RPA2: variants seen among roughly 807,000 people sequenced by gnomAD.
RPA2 encodes the protein replication protein A 32 kDa subunit.
In RPA2, 22 loss-of-function variants were observed where a neutral mutation model predicts 33.4. The ratio of observed to expected loss-of-function variants is 0.66; its 90% CI spans 0.47 to 0.94. The LOEUF is 0.94. Ranked by LOEUF, RPA2 falls within the 40% of genes least tolerant of loss-of-function variation. The probability of loss-of-function intolerance (pLI) is 0.00; values close to 1 mark genes in which losing one functional copy is unlikely to be tolerated. For missense variants in RPA2, 279 were observed against 329.9 expected (o/e 0.85, Z 1.19); for synonymous variants, 109 against 114.9 (o/e 0.95, Z 0.33).
chr1:27,898,852 C>T (rs750049016), intron 4 of RPA2, among the ~76,000 whole-genome samples: 4 of 151,904 alleles, frequency 2.6e-5, no homozygotes, highest in African/African-American at 7.3e-5. Context: ...CCATCGTGTC[C>T]GGCCCATTAG....
At chr1:27,899,999 G>C (rs2089947537) in intron 4 of RPA2, among the ~76,000 whole-genome samples, 1 of 151,746 alleles carries the variant, frequency 6.6e-6, no homozygotes, top group South Asian at 2.1e-4. Flanking sequence ...TTAATAGACA[G>C]GGTTTTGCCA....
At chr1:27,902,855 G>A (rs1316411627) in intron 4 of RPA2, among the ~76,000 whole-genome samples, 1 of 152,124 alleles carries the variant, frequency 6.6e-6, no homozygotes, top group African/African-American at 2.4e-5. Context: ...GTACAAAAAT[G>A]CAAAAACTAA....
chr1:27,907,347 C>A, intron 2 of RPA2, 65 bp from the exon 3 acceptor site: 1 of 1,215,816 alleles, frequency 8.2e-7, no homozygotes. Context: ...TCAACACCTG[C>A]CATGTGCCAA....
chr1:27,897,259 C>T (rs1217020328), intron 5 of RPA2, 138 bp from the exon 6 acceptor site: 1 of 601,192 alleles, frequency 1.7e-6, no homozygotes, highest in East Asian at 2.9e-5. Context: ...CAGAGGTATT[C>T]CAAATATGGT....
chr1:27,906,909 T>C lies in RPA2; in HGVS notation c.333+19A>G, dbSNP rs2090035678. ...CAGTTCCAAAGTAACCCCATCATGA[T>C]TCAAAAACAGCCACTTACATCTGTG... On this transcript the variant is annotated intron_variant, in intron 4 of 8. Transcript: ENST00000373912. The C allele has an allele frequency of 1.3e-6, 2 of 1,564,470 alleles. No homozygotes were observed. The highest frequency in any genetic ancestry group is 3.5e-5 in the Admixed American group (2 of 56,986).
chr1:27,892,363 T>TAAGA, intron 8 of RPA2, 116 bp from the exon 9 acceptor site: 1 of 755,290 alleles, frequency 1.3e-6, no homozygotes. Flanking sequence ...CTACCTTAGC[T>TAAGA]AAGAATTCAC....
chr1:27,896,135 C>T (rs568817281), intron 6 of RPA2, among the ~76,000 whole-genome samples: 1 of 152,256 alleles, frequency 6.6e-6, no homozygotes, highest in African/African-American at 2.4e-5. Context: ...CTGCTATACT[C>T]GAATGCCGAC....
At chr1:27,895,176 C>A (rs1368645418) in intron 6 of RPA2, among the ~76,000 whole-genome samples, 1 of 152,166 alleles carries the variant, frequency 6.6e-6, no homozygotes, top group Non-Finnish European at 1.5e-5. Flanking sequence ...AGGATCTCAT[C>A]CCAGACCGCC....
At chr1:27,894,522 CTG>C in intron 6 of RPA2, 125 bp from the exon 7 acceptor site, 5 of 686,682 alleles carry the variant, frequency 7.3e-6, no homozygotes, top group Non-Finnish European at 1.2e-5. Flanking sequence ...GTTTATAACA[CTG>C]CTTACATTGG....
chr1:27,896,087 T>C (rs1286873897), intron 6 of RPA2, among the ~76,000 whole-genome samples: 1 of 152,250 alleles, frequency 6.6e-6, no homozygotes, highest in Non-Finnish European at 1.5e-5. Context: ...TTTTGTTTAT[T>C]ACTTGTTTCT....
intron 4 of RPA2, among the ~76,000 whole-genome samples, chr1:27,899,513 GAAA>G (rs67126026): frequency 3.7e-5 from 4 of 107,558 alleles, no homozygotes; most frequent in Admixed American, 1.1e-4. Flanking sequence ...AAAAAAAAAA[GAAA>G]AAAAAAAAAA....
rs2090040397 is a variant in RPA2, at chr1:27,907,194, A to G, written c.206T>C (p.Val69Ala). Residue 69 changes from valine (V) to alanine (A), a missense_variant, in exon 3 of 9, where the codon GTT becomes GCT. By Grantham distance (64) the Val-to-Ala change is moderately conservative. Coordinates refer to ENST00000373912, the MANE Select transcript of RPA2 (RefSeq NM_002946.5). ...LVDEVFRIGN[V>A]EISQVTIVGI... ...TATTTGACATACCTGTGAAATCTCA[A>G]CATTCCCAATTCTGAACACTTCATC... 1 of 1,613,558 alleles carries G rather than the reference A, an allele frequency of 6.2e-7. No homozygotes were observed. The highest frequency in any genetic ancestry group is 2.2e-5 in the East Asian group (1 of 44,888).
chr1:27,912,244 G>T (rs1308460247), intron 2 of RPA2, among the ~76,000 whole-genome samples: 2 of 151,666 alleles, frequency 1.3e-5, no homozygotes, highest in Non-Finnish European at 2.9e-5. Context: ...TGAAATTGCA[G>T]TTGTTAAATG....
intron 2 of RPA2, among the ~76,000 whole-genome samples, chr1:27,910,137 G>C (rs943731445): frequency 5.3e-5 from 8 of 152,136 alleles, no homozygotes; most frequent in African/African-American, 1.9e-4. Flanking sequence ...AAGGTAAAGT[G>C]GCAAGAACAT....
chr1:27,905,129 T>C (rs1315480839), intron 4 of RPA2, among the ~76,000 whole-genome samples: 2 of 152,180 alleles, frequency 1.3e-5, no homozygotes, highest in Non-Finnish European at 2.9e-5. Flanking sequence ...TTTGTAAAAA[T>C]TGGGTCAAAT....
intron 2 of RPA2, among the ~76,000 whole-genome samples, chr1:27,907,820 G>T (rs2148660525): frequency 6.6e-6 from 1 of 152,282 alleles, no homozygotes; most frequent in African/African-American, 2.4e-5. Context: ...GGGAAATGGA[G>T]TAAGAGCTTG....
chr1:27,897,955 T>C (rs1019370895), intron 4 of RPA2, among the ~76,000 whole-genome samples: 22 of 152,184 alleles, frequency 1.4e-4, no homozygotes, highest in African/African-American at 5.3e-4. Context: ...AAGCAAACAA[T>C]TGTGACACTC....
At chr1:27,893,788 AG>A (rs1455782425) in intron 8 of RPA2, among the ~76,000 whole-genome samples, 1 of 149,984 alleles carries the variant, frequency 6.7e-6, no homozygotes, top group African/African-American at 2.5e-5. Context: ...TTGTATTTTT[AG>A]TAGAAACGGG....
chr1:27,912,794 G>A (rs1253745791), intron 2 of RPA2, among the ~76,000 whole-genome samples: 3 of 152,118 alleles, frequency 2.0e-5, no homozygotes, highest in Admixed American at 6.6e-5. Context: ...TGTATTCTTT[G>A]TATATAATAT....
Sources: gnomAD v4.1 joint callset for allele counts (sites outside exome capture counted in the v4.1 genomes callset) on GRCh38, gnomAD v4.1.1 for gene constraint, MANE v1.5 for transcripts, NCBI Gene and HGNC (gene_info 2026-07-23, HGNC 2026-07-21) for gene names.